Variants in GAREM1 observed in about 807,000 individuals in gnomAD.
GAREM1 encodes GRB2-associated and regulator of MAPK protein 1.
GAREM1 carries 26 observed loss-of-function variants against 71.3 expected under a neutral mutation model. That is an observed-to-expected ratio of 0.36 (90% confidence interval 0.27 to 0.51). The LOEUF is 0.51. Ranked by LOEUF, GAREM1 falls within the 20% of genes least tolerant of loss-of-function variation. The probability of loss-of-function intolerance (pLI) is 0.95; values close to 1 mark genes in which losing one functional copy is unlikely to be tolerated. For missense variants in GAREM1, 1,026 were observed against 1,103.1 expected (o/e 0.93, Z 0.99); for synonymous variants, 440 against 433.2 (o/e 1.02, Z -0.20).
chr18:32,354,121 A>G (rs2047782046), intron 2 of GAREM1, among the ~76,000 whole-genome samples: 2 of 152,224 alleles, frequency 1.3e-5, no homozygotes, highest in South Asian at 2.1e-4. Flanking sequence ...ATATAAAAGA[A>G]TACTTTAGTA....
intron 5 of GAREM1, among the ~76,000 whole-genome samples, chr18:32,269,405 G>T (rs141400688): frequency 6.6e-6 from 1 of 152,312 alleles, no homozygotes; most frequent in Non-Finnish European, 1.5e-5. Context: ...GGCTCTGGGG[G>T]GTTTTAAGAG....
intron 2 of GAREM1, among the ~76,000 whole-genome samples, chr18:32,390,487 TTC>T (rs2048185077): frequency 6.6e-6 from 1 of 152,196 alleles, no homozygotes; most frequent in Non-Finnish European, 1.5e-5. Context: ...TTTCAAGCTT[TTC>T]TTTCTTTAAT....
intron 1 of GAREM1, among the ~76,000 whole-genome samples, chr18:32,443,089 CA>C (rs2144277881): frequency 6.6e-6 from 1 of 152,084 alleles, no homozygotes; most frequent in East Asian, 1.9e-4. Context: ...GAAGATAAAA[CA>C]GCTAAGAAAC....
intron 2 of GAREM1, among the ~76,000 whole-genome samples, chr18:32,339,850 A>G (rs1053403052): frequency 6.6e-6 from 1 of 152,230 alleles, no homozygotes; most frequent in Non-Finnish European, 1.5e-5. Flanking sequence ...TAGTACCATT[A>G]GTCCTTCCAT....
chr18:32,271,605 T>C (rs1393670306), intron 4 of GAREM1, among the ~76,000 whole-genome samples: 1 of 152,188 alleles, frequency 6.6e-6, no homozygotes, highest in Non-Finnish European at 1.5e-5. Context: ...AGTTCCTAGG[T>C]GATACTGATG....
chr18:32,412,279 G>C, intron 1 of GAREM1: 2 of 1,585,352 alleles, frequency 1.3e-6, no homozygotes, highest in South Asian at 1.1e-5. Flanking sequence ...CCTTGGTTTC[G>C]TGGTTTTGCA....
At chr18:32,299,280 G>A (rs1055801526) in intron 3 of GAREM1, among the ~76,000 whole-genome samples, 9 of 151,776 alleles carry the variant, frequency 5.9e-5, no homozygotes, top group African/African-American at 1.2e-4. Context: ...TTTGGGAGGC[G>A]GAGGCGGGCG....
chr18:32,402,022 A>T (rs2048320399), intron 1 of GAREM1, among the ~76,000 whole-genome samples: 1 of 152,184 alleles, frequency 6.6e-6, no homozygotes. Context: ...AAAGTTCCAG[A>T]AAAACTGTCT....
At chr18:32,309,213 C>T (rs1279548162) in intron 3 of GAREM1, among the ~76,000 whole-genome samples, 4 of 149,832 alleles carry the variant, frequency 2.7e-5, no homozygotes, top group East Asian at 1.9e-4. Flanking sequence ...GCAGGCAATA[C>T]GATGGGCCTG....
At chr18:32,375,423 T>C (rs1021482509) in intron 2 of GAREM1, among the ~76,000 whole-genome samples, 1 of 151,892 alleles carries the variant, frequency 6.6e-6, no homozygotes, top group African/African-American at 2.4e-5. Context: ...ACAGGTTCGT[T>C]TGAGTTTGGA....
At chr18:32,294,286 G>A (rs932729733) in intron 3 of GAREM1, among the ~76,000 whole-genome samples, 4 of 152,134 alleles carry the variant, frequency 2.6e-5, no homozygotes, top group Non-Finnish European at 2.9e-5. Context: ...GTTATATTAC[G>A]CATACGTGTA....
intron 3 of GAREM1, among the ~76,000 whole-genome samples, chr18:32,294,785 G>A (rs895380290): frequency 6.6e-6 from 1 of 152,116 alleles, no homozygotes; most frequent in Non-Finnish European, 1.5e-5. Flanking sequence ...TTACACAAAT[G>A]ATGAAAAATT....
At chr18:32,333,496 A>G (rs529835207) in intron 2 of GAREM1, among the ~76,000 whole-genome samples, 2 of 152,354 alleles carry the variant, frequency 1.3e-5, no homozygotes, top group East Asian at 3.9e-4. Context: ...AAGTGCCAAA[A>G]GAGAAGATTG....
chr18:32,412,199 A>G, intron 1 of GAREM1: 1 of 1,561,810 alleles, frequency 6.4e-7, no homozygotes. Flanking sequence ...TCTCCTGCTA[A>G]GCTTTGTTTC....
intron 2 of GAREM1, among the ~76,000 whole-genome samples, chr18:32,391,757 T>C (rs961028384): frequency 6.6e-6 from 1 of 152,160 alleles, no homozygotes; most frequent in Non-Finnish European, 1.5e-5. Flanking sequence ...TTTCTCTTTT[T>C]CCATGAAGGC....
intron 2 of GAREM1, among the ~76,000 whole-genome samples, chr18:32,389,051 T>C (rs2048172793): frequency 6.6e-6 from 1 of 152,150 alleles, no homozygotes; most frequent in Non-Finnish European, 1.5e-5. Flanking sequence ...TATTTGTATG[T>C]GCATTTGGTG....
intron 1 of GAREM1, among the ~76,000 whole-genome samples, chr18:32,455,220 T>C (rs1297642813): frequency 6.6e-6 from 1 of 152,110 alleles, no homozygotes; most frequent in Non-Finnish European, 1.5e-5. Context: ...TTTTCTAAAA[T>C]GTAGATTTCA....
chr18:32,277,807 G>A (rs944784135), intron 4 of GAREM1, among the ~76,000 whole-genome samples: 9 of 152,178 alleles, frequency 5.9e-5, no homozygotes, highest in Admixed American at 1.3e-4. Flanking sequence ...AATAATGCAC[G>A]AGAATTTGTT....
At chr18:32,292,582 C>T (rs1465044360) in intron 3 of GAREM1, among the ~76,000 whole-genome samples, 1 of 152,004 alleles carries the variant, frequency 6.6e-6, no homozygotes, top group Admixed American at 6.6e-5. Context: ...GGGATGGTTT[C>T]CCCCAAGCTG....
Sources: gnomAD v4.1 joint callset for allele counts (sites outside exome capture counted in the v4.1 genomes callset) on GRCh38, gnomAD v4.1.1 for gene constraint, MANE v1.5 for transcripts, NCBI Gene and HGNC (gene_info 2026-07-23, HGNC 2026-07-21) for gene names.